C17orf67: variants seen among roughly 807,000 people sequenced by gnomAD.
C17orf67 encodes chromosome 17 open reading frame 67, also known as uncharacterized protein C17orf67.
A neutral mutation model predicts 11.2 loss-of-function variants in C17orf67; 12 were observed. The observed-to-expected ratio is 1.07, with a 90% CI of 0.68 to 1.73. The LOEUF (loss-of-function observed/expected upper bound fraction) is 1.73, where lower values mean the gene tolerates loss of function less well. Among genes scored for constraint, C17orf67 ranks in the 40% most tolerant of loss-of-function variants. The pLI is 0.00. For missense variants in C17orf67, 115 were observed against 113.5 expected, an observed-to-expected ratio of 1.01 and a Z score of -0.06; for synonymous variants, 59 against 46.9, an observed-to-expected ratio of 1.26 and a Z score of -1.05.
At chr17:56,822,553 C>T (rs1445755476) in intron 4 of C17orf67, among the ~76,000 whole-genome samples, 1 of 152,166 alleles carries the variant, frequency 6.6e-6, no homozygotes, top group Admixed American at 6.5e-5. Context: ...GTGTAAAGTT[C>T]GTGACACATA....
At chr17:56,809,764 C>G (rs1468589352) in intron 6 of C17orf67, among the ~76,000 whole-genome samples, 1 of 145,770 alleles carries the variant, frequency 6.9e-6, no homozygotes, top group Admixed American at 6.8e-5. Flanking sequence ...CACACACACC[C>G]CTCTACACAC....
chr17:56,803,178 C>T (rs139630112), intron 6 of C17orf67, among the ~76,000 whole-genome samples: 19 of 152,336 alleles, frequency 1.2e-4, no homozygotes, highest in African/African-American at 3.8e-4. Flanking sequence ...CAAGGAAAAG[C>T]ATGTGTGCAA....
At chr17:56,813,610 G>A (rs1447911633) in intron 6 of C17orf67, among the ~76,000 whole-genome samples, 1 of 151,352 alleles carries the variant, frequency 6.6e-6, no homozygotes, top group Non-Finnish European at 1.5e-5. Flanking sequence ...AGAGCCTGAA[G>A]TCATCTGTTC....
chr17:56,801,106 G>A (rs1241679178), intron 6 of C17orf67, among the ~76,000 whole-genome samples: 3 of 152,202 alleles, frequency 2.0e-5, no homozygotes, highest in Non-Finnish European at 4.4e-5. Flanking sequence ...GGATAGAGAT[G>A]GGAATGATTT....
At chr17:56,817,620 A>AT (rs1322490688) in intron 4 of C17orf67, among the ~76,000 whole-genome samples, 6 of 151,508 alleles carry the variant, frequency 4.0e-5, no homozygotes, top group Non-Finnish European at 5.9e-5. Flanking sequence ...TGCCCAGCTG[A>AT]TTTTTTTTCT....
At chr17:56,795,012 G>C (rs367550328) in intron 7 of C17orf67, 32 bp downstream of exon 7, 211 of 1,495,972 alleles carry the variant, frequency 1.4e-4, no homozygotes, top group Non-Finnish European at 1.9e-4. Context: ...CACTCCCTCA[G>C]ACAGAGGTCC....
At chr17:56,803,432 A>G (rs548475480) in intron 6 of C17orf67, among the ~76,000 whole-genome samples, 11 of 152,356 alleles carry the variant, frequency 7.2e-5, no homozygotes, top group South Asian at 6.2e-4. Context: ...ACTGATACAC[A>G]GTACCTTTTA....
chr17:56,832,221 C>A (rs557644502), intron 2 of C17orf67, among the ~76,000 whole-genome samples: 18 of 152,280 alleles, frequency 1.2e-4, no homozygotes, highest in African/African-American at 4.1e-4. Context: ...GTTGGGGTTA[C>A]AGGCGTGAGC....
At chr17:56,802,700 A>G (rs1053344917) in intron 6 of C17orf67, among the ~76,000 whole-genome samples, 15 of 152,190 alleles carry the variant, frequency 9.9e-5, no homozygotes, top group African/African-American at 3.1e-4. Flanking sequence ...TTTGGCTACT[A>G]TTAGATAACA....
intron 4 of C17orf67, among the ~76,000 whole-genome samples, chr17:56,820,553 G>A (rs549874708): frequency 3.3e-5 from 5 of 152,288 alleles, no homozygotes; most frequent in South Asian, 4.1e-4. Context: ...CGCAGACATG[G>A]AAAGAACATG....
intron 6 of C17orf67, among the ~76,000 whole-genome samples, chr17:56,806,140 A>C (rs1181407301): frequency 6.6e-6 from 1 of 151,556 alleles, no homozygotes; most frequent in Non-Finnish European, 1.5e-5. Flanking sequence ...ACACCTGGCT[A>C]ATTTTTTGTA....
At chr17:56,809,790 A>T (rs543024485) in intron 6 of C17orf67, among the ~76,000 whole-genome samples, 2 of 127,716 alleles carry the variant, frequency 1.6e-5, no homozygotes, top group African/African-American at 6.1e-5. Context: ...TCATACACAG[A>T]CCCCTCACAC....
intron 6 of C17orf67, 101 bp from the exon 7 acceptor site, chr17:56,795,281 G>A (rs1905191800): frequency 9.7e-7 from 1 of 1,030,036 alleles, no homozygotes; most frequent in South Asian, 1.3e-5. Context: ...GGCAGGATGG[G>A]AGGACAGGCA....
chr17:56,822,969 T>C (rs1905941378), intron 4 of C17orf67, among the ~76,000 whole-genome samples: 1 of 152,236 alleles, frequency 6.6e-6, no homozygotes, highest in Admixed American at 6.5e-5. Flanking sequence ...CAACTATGTC[T>C]GCCCAGCAGG....
Position 56,795,826 on chromosome 17 carries a change from A to T in C17orf67, c.157-646T>A, listed in dbSNP as rs140547276. The stretch of plus-strand genomic sequence containing the variant: ...CATGGACTATTATACAGCAGAGAAC[A>T]TAAATTATACTGTAGCTATATACAA... On this transcript the variant is annotated intron_variant, in intron 6 of 7. Transcript: ENST00000397861. 2.1e-3 allele frequency among the ~76,000 whole-genome samples: 318 copies of T among 152,372 alleles called. 1 individual carries two copies. Among genetic ancestry groups the T allele is most frequent in the Non-Finnish European group, 3.8e-3 (261 of 68,030 alleles).
chr17:56,807,611 A>C (rs1422056878), intron 6 of C17orf67, among the ~76,000 whole-genome samples: 1 of 152,200 alleles, frequency 6.6e-6, no homozygotes, highest in East Asian at 1.9e-4. Context: ...GAAACCTTCA[A>C]GGAAAGCTCA....
At chr17:56,810,114 C>T (rs117638503) in intron 6 of C17orf67, among the ~76,000 whole-genome samples, 7,758 of 134,050 alleles carry the variant, frequency 0.058, 338 homozygotes, top group Admixed American at 0.11. Flanking sequence ...CTGACACACA[C>T]CCTCACACTC....
intron 6 of C17orf67, among the ~76,000 whole-genome samples, chr17:56,812,620 G>C (rs1474431778): frequency 1.3e-5 from 2 of 152,180 alleles, no homozygotes; most frequent in Non-Finnish European, 2.9e-5. Context: ...AATAGGTTCT[G>C]AGGCAAGAAG....
At position 56,815,935 on chromosome 17, in the gene C17orf67, C is replaced by A; in HGVS notation, c.-125G>T. On this transcript the variant is annotated 5_prime_UTR_variant, in exon 5 of 8. Coordinates refer to ENST00000397861, the MANE Select transcript of C17orf67 (RefSeq NM_001085430.4). ...GACTAACGGGACTTACGGTATGATG[C>A]TGAATGTATCTGACTCTGAGCGTTT... The A allele has an allele frequency of 6.6e-7, 1 of 1,525,814 alleles. No individual in the cohort carries two copies. Among genetic ancestry groups the A allele is most frequent in the Non-Finnish European group, 8.9e-7 (1 of 1,125,442 alleles). The allele number at this position is 1,525,814 out of a possible 1,614,324, so 94.5% of individuals were successfully genotyped here.
Sources: allele counts gnomAD v4.1 joint callset (sites outside exome capture counted in the v4.1 genomes callset), GRCh38; gene constraint gnomAD v4.1.1; transcripts MANE v1.5; gene names NCBI Gene and HGNC (gene_info 2026-07-23, HGNC 2026-07-21).